The following AGTPBP1 variants were observed in gnomAD, a reference collection of about 807,000 sequenced individuals.
The protein encoded by AGTPBP1 is cytosolic carboxypeptidase 1.
A neutral mutation model predicts 143.9 loss-of-function variants in AGTPBP1; 70 were observed. The ratio of observed to expected loss-of-function variants is 0.49; its 90% CI spans 0.40 to 0.59. AGTPBP1 has a LOEUF of 0.59. Ranked by LOEUF, AGTPBP1 falls within the 20% of genes least tolerant of loss-of-function variation. The pLI is 0.00. For missense variants in AGTPBP1, 1,229 were observed against 1,464.5 expected (o/e 0.84, Z 2.62); for synonymous variants, 463 against 500.2 (o/e 0.93, Z 0.99).
At chr9:85,600,374 G>A (rs536077133) in intron 17 of AGTPBP1, among the ~76,000 whole-genome samples, 1 of 152,238 alleles carries the variant, frequency 6.6e-6, no homozygotes, top group South Asian at 2.1e-4. Flanking sequence ...CAGAGGAGGG[G>A]CTTCAAGATG....
At chr9:85,776,245 T>C in the AGTPBP1 span, among the ~76,000 whole-genome samples, 3 of 152,212 alleles carry the variant, frequency 2.0e-5, no homozygotes. Flanking sequence ...TTAGTACAAG[T>C]GTATACATGC....
At chr9:85,726,549 G>A (rs988214061) in intron 1 of AGTPBP1, among the ~76,000 whole-genome samples, 2 of 152,192 alleles carry the variant, frequency 1.3e-5, no homozygotes, top group African/African-American at 4.8e-5. Flanking sequence ...TCATTTCATT[G>A]CACTAGTGCA....
In AGTPBP1 at chr9:85,639,361, G is replaced by GCACA. The variant is rs1338803448; in HGVS notation, c.1302+3465_1302+3466insTGTG. 7.1e-3 allele frequency among the ~76,000 whole-genome samples: 936 copies of GCACA among 130,992 alleles called. 5 individuals are homozygous for GCACA. The highest frequency in any genetic ancestry group is 0.03 in the Middle Eastern group (8 of 264). 85.9% of individuals were successfully genotyped at this position (130,992 alleles called of 152,430 possible). A position where few individuals can be genotyped will look rare whatever the true frequency, so the allele number is the denominator to read the frequency against. On this transcript the variant is annotated intron_variant, in intron 13 of 25. Transcript: ENST00000357081. ...CATACATACACACACCCATGCGCGC[G>GCACA]CACGCGCACACACACACACACACAC...
chr9:85,708,201 C>G (rs1349300205), intron 2 of AGTPBP1, among the ~76,000 whole-genome samples: 2 of 152,128 alleles, frequency 1.3e-5, no homozygotes, highest in East Asian at 1.9e-4. Flanking sequence ...TTACATCACC[C>G]TAACCTTTTG....
intron 25 of AGTPBP1, among the ~76,000 whole-genome samples, chr9:85,558,529 G>A (rs1587621509): frequency 1.3e-5 from 2 of 152,152 alleles, no homozygotes; most frequent in Non-Finnish European, 2.9e-5. Flanking sequence ...TTGATTATAT[G>A]TCAGTAATTA....
chr9:85,777,393 A>C, the AGTPBP1 span, among the ~76,000 whole-genome samples: 2 of 152,178 alleles, frequency 1.3e-5, no homozygotes, highest in Admixed American at 1.3e-4. Context: ...TGCCATATTG[A>C]GGGCTCAGTG....
intron 5 of AGTPBP1, among the ~76,000 whole-genome samples, chr9:85,678,002 CTCAA>C (rs927823049): frequency 1.3e-5 from 2 of 152,170 alleles, no homozygotes; most frequent in African/African-American, 4.8e-5. Context: ...AAAACTCCAT[CTCAA>C]TCAATCAATC....
intron 14 of AGTPBP1, among the ~76,000 whole-genome samples, chr9:85,630,489 TGATTGATTGAGA>T (rs1051917911): frequency 1.4e-5 from 2 of 145,540 alleles, no homozygotes; most frequent in Non-Finnish European, 3.1e-5. Context: ...ATTGATTGAT[TGATTGATTGAGA>T]CAGAGTCTTG....
chr9:85,592,352 C>G (rs1205492172), intron 19 of AGTPBP1, among the ~76,000 whole-genome samples: 1 of 151,926 alleles, frequency 6.6e-6, no homozygotes, highest in African/African-American at 2.4e-5. Flanking sequence ...ACACTAAACC[C>G]TTTTCTTATG....
chr9:85,571,406 A>C (rs1827452668), intron 25 of AGTPBP1, among the ~76,000 whole-genome samples: 1 of 152,218 alleles, frequency 6.6e-6, no homozygotes, highest in Non-Finnish European at 1.5e-5. Flanking sequence ...GAAGGGGCCA[A>C]ATCAGGAAAA....
chr9:85,590,187 G>A lies in AGTPBP1; in HGVS notation c.2569-506C>T, dbSNP rs529411409. 5.3e-5 allele frequency among the ~76,000 whole-genome samples: 8 copies of A among 151,928 alleles called. No homozygotes were observed. The South Asian group carries it at 1.7e-3, about 32-fold the overall frequency. On this transcript the variant is annotated intron_variant, in intron 19 of 25. Coordinates refer to ENST00000357081, the MANE Select transcript of AGTPBP1 (RefSeq NM_001330701.2). ...AATACGGGTTTGTTGTAAAATGTCT[G>A]AAAGACAGCAAAAAAATTACAAAGA...
At chr9:85,789,654 C>G in the AGTPBP1 span, among the ~76,000 whole-genome samples, 1 of 151,968 alleles carries the variant, frequency 6.6e-6, no homozygotes, top group African/African-American at 2.4e-5. Flanking sequence ...TTGTTGTTGC[C>G]TCAATTCTTC....
chr9:85,592,303 ACTC>A (rs954525248), intron 19 of AGTPBP1, among the ~76,000 whole-genome samples: 17 of 151,878 alleles, frequency 1.1e-4, no homozygotes, highest in African/African-American at 2.9e-4. Flanking sequence ...TTCCCATTTT[ACTC>A]CTCAAGAAAT....
chr9:85,557,746 G>A (rs986702570), intron 25 of AGTPBP1, among the ~76,000 whole-genome samples: 2 of 152,310 alleles, frequency 1.3e-5, no homozygotes, highest in Non-Finnish European at 2.9e-5. Context: ...TTTCTCAGAA[G>A]ACAGAGTTCC....
chr9:85,654,226 A>G (rs1233525313), intron 11 of AGTPBP1, among the ~76,000 whole-genome samples: 1 of 152,196 alleles, frequency 6.6e-6, no homozygotes, highest in African/African-American at 2.4e-5. Context: ...AAATTCTATT[A>G]AAAGCCAGGA....
intron 1 of AGTPBP1, among the ~76,000 whole-genome samples, chr9:85,728,683 T>C (rs1186543589): frequency 1.3e-5 from 2 of 152,102 alleles, no homozygotes; most frequent in African/African-American, 2.4e-5. Flanking sequence ...TTATTGTATA[T>C]GTTAAAGCCT....
At chr9:85,657,746 A>G in intron 9 of AGTPBP1, 103 bp from the exon 10 acceptor site, 8 of 714,282 alleles carry the variant, frequency 1.1e-5, no homozygotes, top group Non-Finnish European at 1.7e-5. Flanking sequence ...ATGGATACTT[A>G]TAATTCTTTT....
Position 85,689,898 on chromosome 9 carries a change from C to CAA in AGTPBP1, c.157+2789_157+2790dup, listed in dbSNP as rs1156931410. On this transcript the variant is annotated intron_variant, in intron 3 of 25. Transcript: ENST00000357081. Reference sequence around the variant, plus strand: ...CAACAGAGTGAGAGAGACTCTGCCTCAAAAAAAAAAAAAAAAAAAAAAAAA... The same window carrying CAA: ...CAACAGAGTGAGAGAGACTCTGCCTCAAAAAAAAAAAAAAAAAAAAAAAAAAA... Among the ~76,000 whole-genome samples the CAA allele has an allele frequency of 6.2e-3, 176 of 28,292 alleles. 1 individual carries two copies. Among genetic ancestry groups the CAA allele is most frequent in the Non-Finnish European group, 8.2e-3 (139 of 16,948 alleles). The allele number at this position is 28,292 out of a possible 152,430, so 18.6% of individuals were successfully genotyped here. A position where few individuals can be genotyped will look rare whatever the true frequency, so the allele number is the denominator to read the frequency against.
intron 17 of AGTPBP1, among the ~76,000 whole-genome samples, chr9:85,601,638 G>A (rs80331517): frequency 0.016 from 2,473 of 152,246 alleles, 30 homozygotes; most frequent in Middle Eastern, 0.054. Context: ...TCCTCTCATT[G>A]CTCATGCTAT....
Sources: gnomAD v4.1 joint callset for allele counts (sites outside exome capture counted in the v4.1 genomes callset) on GRCh38, gnomAD v4.1.1 for gene constraint, MANE v1.5 for transcripts, NCBI Gene and HGNC (gene_info 2026-07-23, HGNC 2026-07-21) for gene names.